Variants in CHCHD6 observed in about 807,000 individuals in gnomAD.
CHCHD6 encodes the protein coiled-coil-helix-coiled-coil-helix domain containing 6, also known as MICOS complex subunit MIC25.
A neutral mutation model predicts 32.3 loss-of-function variants in CHCHD6; 28 were observed. The observed-to-expected ratio is 0.87, with a 90% confidence interval of 0.64 to 1.19. The LOEUF (loss-of-function observed/expected upper bound fraction) is 1.19. Among genes scored for constraint, CHCHD6 ranks in the 50% most tolerant of loss-of-function variants. CHCHD6 has a pLI of 0.00. For missense variants in CHCHD6, 333 were observed against 307.0 expected, an observed-to-expected ratio of 1.08 and a Z score of -0.63; for synonymous variants, 122 against 117.5, an observed-to-expected ratio of 1.04 and a Z score of -0.25.
At chr3:126,893,757 A>G (rs970694419) in intron 5 of CHCHD6, among the ~76,000 whole-genome samples, 2 of 152,220 alleles carry the variant, frequency 1.3e-5, no homozygotes, top group Non-Finnish European at 2.9e-5. Flanking sequence ...CAGAGTGCAG[A>G]TGCATTGACT....
intron 4 of CHCHD6, among the ~76,000 whole-genome samples, chr3:126,771,701 T>C (rs890896830): frequency 1.3e-5 from 2 of 152,230 alleles, no homozygotes; most frequent in Non-Finnish European, 2.9e-5. Context: ...TTGCTCTTGC[T>C]TCTCTGGTTC....
At chr3:126,875,763 TAACA>T (rs764095185) in intron 5 of CHCHD6, among the ~76,000 whole-genome samples, 47 of 152,218 alleles carry the variant, frequency 3.1e-4, no homozygotes, top group Non-Finnish European at 6.0e-4. Flanking sequence ...AAAGGTCTTC[TAACA>T]AACAAAGCAC....
intron 1 of CHCHD6, among the ~76,000 whole-genome samples, chr3:126,706,328 T>TAA (rs930511764): frequency 6.6e-6 from 1 of 152,228 alleles, no homozygotes; most frequent in Non-Finnish European, 1.5e-5. Flanking sequence ...GAATTGAGCT[T>TAA]AAAGGAGTTA....
Position 126,957,426 on chromosome 3 carries a change from G to C in CHCHD6, c.577G>C (p.Val193Leu). The change falls in exon 7 of 8, where the codon GTG becomes CTG. Residue 193 changes from valine to leucine, a missense_variant. Physicochemically the swap from Val to Leu is conservative, Grantham distance 32 (BLOSUM62 1). Coordinates refer to ENST00000290913, the MANE Select transcript of CHCHD6 (RefSeq NM_032343.3). The stretch of plus-strand genomic sequence containing the variant: ...TCTTGTCTTCTGCAGGCCCCGCAGG[G>C]TGGAGCCCGTCTGCTCAGGGTTGCA... The part of the protein sequence containing the change: ...KMESTIKPRR[V>L]EPVCSGLQAQ... 6.2e-7 allele frequency: 1 copy of C among 1,611,270 alleles called. No individual in the cohort carries two copies. Among genetic ancestry groups the C allele is most frequent in the Non-Finnish European group, 8.5e-7 (1 of 1,179,254 alleles).
At chr3:126,766,843 C>T (rs1303555839) in intron 4 of CHCHD6, 15 of 964,062 alleles carry the variant, frequency 1.6e-5, no homozygotes, top group East Asian at 2.4e-5. Context: ...CTGGGACACC[C>T]GATGTCCAGG....
intron 4 of CHCHD6, among the ~76,000 whole-genome samples, chr3:126,808,840 G>A (rs935523763): frequency 5.9e-5 from 9 of 152,168 alleles, no homozygotes; most frequent in Non-Finnish European, 1.0e-4. Flanking sequence ...ACTTTCTGGT[G>A]AAGCTTTCCT....
chr3:126,765,465 A>G (rs1937332220), intron 4 of CHCHD6, among the ~76,000 whole-genome samples: 1 of 152,224 alleles, frequency 6.6e-6, no homozygotes, highest in Non-Finnish European at 1.5e-5. Context: ...AATCTCAAAT[A>G]TTTGGTACCA....
intron 5 of CHCHD6, among the ~76,000 whole-genome samples, chr3:126,903,549 C>A (rs773009901): frequency 1.6e-4 from 25 of 152,310 alleles, no homozygotes; most frequent in African/African-American, 5.8e-4. Context: ...AAAAAAAATT[C>A]TGTTGTGCTA....
intron 6 of CHCHD6, among the ~76,000 whole-genome samples, chr3:126,942,155 T>C (rs893226422): frequency 6.6e-6 from 1 of 152,136 alleles, no homozygotes; most frequent in Non-Finnish European, 1.5e-5. Context: ...ACTGGTGCTA[T>C]GTTTGTGAGG....
intron 4 of CHCHD6, among the ~76,000 whole-genome samples, chr3:126,783,781 TAG>T (rs1303710644): frequency 6.6e-6 from 1 of 150,766 alleles, no homozygotes; most frequent in Non-Finnish European, 1.5e-5. Context: ...ATCTGTAAGG[TAG>T]AGGGCTGTGT....
chr3:126,875,203 A>T (rs894353122), intron 5 of CHCHD6, among the ~76,000 whole-genome samples: 6 of 152,136 alleles, frequency 3.9e-5, no homozygotes, highest in Non-Finnish European at 7.4e-5. Context: ...TCATCACAAC[A>T]CCAGAATCCA....
At chr3:126,714,670 C>T (rs1032495828) in intron 1 of CHCHD6, among the ~76,000 whole-genome samples, 1 of 152,148 alleles carries the variant, frequency 6.6e-6, no homozygotes, top group African/African-American at 2.4e-5. Context: ...CCTAGCCCAC[C>T]CTGCCTGCCT....
chr3:126,915,489 C>G (rs2078155610), intron 6 of CHCHD6, among the ~76,000 whole-genome samples: 1 of 152,168 alleles, frequency 6.6e-6, no homozygotes, highest in Non-Finnish European at 1.5e-5. Flanking sequence ...TGAAGTTGGT[C>G]TCTATGGACC....
intron 5 of CHCHD6, among the ~76,000 whole-genome samples, chr3:126,911,396 C>T (rs2078088642): frequency 1.3e-5 from 2 of 152,200 alleles, no homozygotes; most frequent in Admixed American, 6.5e-5. Flanking sequence ...CTCCAGCAGC[C>T]TTGGAAAGGC....
chr3:126,836,288 A>G (rs1940858735), intron 4 of CHCHD6, among the ~76,000 whole-genome samples: 1 of 151,950 alleles, frequency 6.6e-6, no homozygotes, highest in Admixed American at 6.6e-5. Flanking sequence ...GTTTGTTCCC[A>G]CTCAGAGGCC....
At chr3:126,721,402 C>G (rs982085281) in intron 1 of CHCHD6, among the ~76,000 whole-genome samples, 7 of 152,200 alleles carry the variant, frequency 4.6e-5, no homozygotes, top group African/African-American at 1.7e-4. Flanking sequence ...TCGCTGCCGT[C>G]CCGCCCATGG....
intron 4 of CHCHD6, among the ~76,000 whole-genome samples, chr3:126,742,205 T>G (rs1936316359): frequency 6.6e-6 from 1 of 152,188 alleles, no homozygotes; most frequent in Non-Finnish European, 1.5e-5. Context: ...TAGCTCAGCT[T>G]ATGTGAGAAC....
intron 6 of CHCHD6, among the ~76,000 whole-genome samples, chr3:126,934,911 AG>A (rs1377264922): frequency 2.0e-5 from 3 of 152,164 alleles, no homozygotes; most frequent in Non-Finnish European, 4.4e-5. Flanking sequence ...CACCTACTTC[AG>A]ATGGGTATGG....
chr3:126,716,550 A>G (rs1203117659), intron 1 of CHCHD6, among the ~76,000 whole-genome samples: 1 of 151,772 alleles, frequency 6.6e-6, no homozygotes, highest in Non-Finnish European at 1.5e-5. Flanking sequence ...TCATATCTTT[A>G]TATACTCCAT....
Sources: gnomAD v4.1 joint callset for allele counts (sites outside exome capture counted in the v4.1 genomes callset) on GRCh38, gnomAD v4.1.1 for gene constraint, MANE v1.5 for transcripts, NCBI Gene and HGNC (gene_info 2026-07-23, HGNC 2026-07-21) for gene names.